Variants in HERC6 observed in about 807,000 individuals in gnomAD.
The protein encoded by HERC6 is HECT and RLD domain containing E3 ubiquitin protein ligase family member 6.
A neutral mutation model predicts 114.5 loss-of-function variants in HERC6; 101 were observed. The observed-to-expected ratio is 0.88, with a 90% CI of 0.75 to 1.04. The LOEUF is 1.04. HERC6 is among the 50% of genes least tolerant of loss of function. The pLI is 0.00. For missense variants in HERC6, 1,133 were observed against 1,230.9 expected, an observed-to-expected ratio of 0.92 and a Z score of 1.19; for synonymous variants, 408 against 436.2, an observed-to-expected ratio of 0.94 and a Z score of 0.81.
intron 17 of HERC6, among the ~76,000 whole-genome samples, chr4:88,432,778 T>G (rs1232880711): frequency 6.6e-6 from 1 of 151,716 alleles, no homozygotes; most frequent in Non-Finnish European, 1.5e-5. Context: ...AAAAGGTGAT[T>G]CATGTCTGTA....
intron 8 of HERC6, among the ~76,000 whole-genome samples, chr4:88,404,381 G>C (rs200147491): frequency 6.6e-6 from 1 of 151,750 alleles, no homozygotes; most frequent in African/African-American, 2.4e-5. Context: ...TAGAGACAAG[G>C]TTTCACCATG....
rs772414829 is a variant in HERC6 at position 88,379,098 on chromosome 4, C to T, written c.177C>T (p.Gly59=). ...DNSRGQLGRR[G]AQRGELPEPI... is the part of the protein sequence containing the mutation. Reference sequence around the variant, plus strand: ...GCAGGGGTCAGCTGGGCCGCAGGGGCGCGCAGCGCGGGGAGCTGCCAGGTG... The same window carrying T: ...GCAGGGGTCAGCTGGGCCGCAGGGGTGCGCAGCGCGGGGAGCTGCCAGGTG... The change falls in exon 1 of 23, where the codon GGC becomes GGT. Residue 59 remains glycine (G), a synonymous_variant. Transcript: ENST00000264346. The T allele has an allele frequency of 6.5e-7, 1 of 1,544,112 alleles. No homozygotes were observed. The highest frequency in any genetic ancestry group is 1.2e-5 in the South Asian group (1 of 83,988).
chr4:88,405,106 A>G lies in HERC6; in HGVS notation c.1214+109A>G, dbSNP rs1312712316. 8.8e-6 allele frequency: 12 copies of G among 1,359,864 alleles called. No homozygotes were observed. The South Asian group carries it at 1.1e-4, about 13-fold the overall frequency. The allele number at this position is 1,359,864 out of a possible 1,614,324, so 84.2% of individuals were successfully genotyped here. On this transcript the variant is annotated intron_variant, in intron 9 of 22. Coordinates refer to ENST00000264346, the MANE Select transcript of HERC6 (RefSeq NM_017912.4). ...TTGTTGTGAAGGTATTTGCATTTTG[A>G]CCATGATTCTCTTCTACAGCCTCTT...
At chr4:88,409,743 T>C (rs1735993522) in intron 11 of HERC6, among the ~76,000 whole-genome samples, 1 of 152,254 alleles carries the variant, frequency 6.6e-6, no homozygotes, top group Non-Finnish European at 1.5e-5. Context: ...TCTTTACCTG[T>C]TGAATTCATC....
chr4:88,379,675 T>A (rs1229499716), intron 1 of HERC6, among the ~76,000 whole-genome samples: 3 of 74,742 alleles, frequency 4.0e-5, no homozygotes, highest in East Asian at 7.7e-4. Flanking sequence ...ATATAATATA[T>A]AAATATATAC....
At chr4:88,421,291 C>CAAGA (rs1737020195) in intron 13 of HERC6, among the ~76,000 whole-genome samples, 1 of 152,102 alleles carries the variant, frequency 6.6e-6, no homozygotes, top group Non-Finnish European at 1.5e-5. Context: ...TTTCATTTCC[C>CAAGA]GTATATACCC....
At chr4:88,388,764 C>G (rs749239568) in intron 3 of HERC6, among the ~76,000 whole-genome samples, 4 of 152,012 alleles carry the variant, frequency 2.6e-5, no homozygotes, top group African/African-American at 9.7e-5. Context: ...TTCTTCCAGA[C>G]CTTTAGAGGT....
intron 8 of HERC6, among the ~76,000 whole-genome samples, chr4:88,404,516 T>C (rs777180503): frequency 1.5e-4 from 23 of 152,188 alleles, no homozygotes; most frequent in Non-Finnish European, 2.9e-4. Flanking sequence ...GGCTGAATAA[T>C]ATTTCATTTT....
chr4:88,379,901 A>ATATATAAATATATATAATATATAAAT (rs1734108082), intron 1 of HERC6, among the ~76,000 whole-genome samples: 2 of 27,856 alleles, frequency 7.2e-5, no homozygotes, highest in Non-Finnish European at 1.1e-4. Context: ...ATAATATATA[A>ATATATAAATATATATAATATATAAAT]ATATATATAA....
Position 88,397,654 on chromosome 4 carries a change from C to A in HERC6, c.1025-488C>A, listed in dbSNP as rs28642168. ...GGAGGTTGCAGTGAGCCGAGATCGT[C>A]CAGCCTGGGCAACAGGGTGAGACTC... is the stretch of plus-strand genomic sequence containing the variant. On this transcript the variant is annotated intron_variant, in intron 7 of 22. Transcript: ENST00000264346. Among the ~76,000 whole-genome samples, 466 of 151,744 alleles carry A rather than the reference C, an allele frequency of 3.1e-3. 3 individuals carry two copies. Among genetic ancestry groups the A allele is most frequent in the African/African-American group, 0.011 (435 of 41,398 alleles).
intron 15 of HERC6, among the ~76,000 whole-genome samples, chr4:88,426,934 C>T (rs1737702186): frequency 6.6e-6 from 1 of 152,324 alleles, no homozygotes; most frequent in South Asian, 2.1e-4. Flanking sequence ...ACTTTCCCAT[C>T]AATTTCCCTT....
At chr4:88,417,305 A>C (rs984108495) in intron 12 of HERC6, 120 bp from the exon 13 acceptor site, 13 of 958,364 alleles carry the variant, frequency 1.4e-5, no homozygotes, top group African/African-American at 6.7e-5. Flanking sequence ...GATATTCATA[A>C]ATTATGCCAT....
In HERC6 at chr4:88,437,103, TTGGAGTA is replaced by T. The variant is rs1738837576; in HGVS notation, c.2484+133_2484+139del. On this transcript the variant is annotated intron_variant, in intron 19 of 22. Transcript: ENST00000264346. ...GCAGAGTCTCACTCTGTCACCCAGG[TTGGAGTA>T]CAATGGCGCGATCTCGGTTCACTGC... 4.9e-6 allele frequency: 3 copies of T among 609,824 alleles called. No individual in the cohort carries two copies. The African/African-American group carries it at 5.8e-5, about 12-fold the overall frequency. 37.8% of individuals were successfully genotyped at this position (609,824 alleles called of 1,614,324 possible).
Position 88,383,270 on chromosome 4 carries a change from G to A in HERC6, c.249G>A (p.Gly83=). The A allele has an allele frequency of 6.2e-7, 1 of 1,606,762 alleles. No homozygotes were observed. Among genetic ancestry groups the A allele is most frequent in the Non-Finnish European group, 8.5e-7 (1 of 1,176,752 alleles). Residue 83 remains glycine, a synonymous_variant, in exon 2 of 23, where the codon GGG becomes GGA. Coordinates refer to ENST00000264346, the MANE Select transcript of HERC6 (RefSeq NM_017912.4). ...TAATTGTTGATCTCGTGAGCTGCGG[G>A]AAGGAGCACTCCCTGGCTGTGTGCC... is the stretch of plus-strand genomic sequence containing the variant. ...ETLIVDLVSC[G]KEHSLAVCHK... is the part of the protein sequence containing the mutation.
intron 17 of HERC6, 125 bp from the exon 18 acceptor site, chr4:88,435,600 A>T (rs1378733125): frequency 2.0e-6 from 1 of 498,730 alleles, no homozygotes; most frequent in African/African-American, 2.0e-5. Flanking sequence ...ATTTTCCGGA[A>T]GCCCATTTTG....
At chr4:88,411,601 C>T (rs753296563) in intron 11 of HERC6, among the ~76,000 whole-genome samples, 1 of 152,162 alleles carries the variant, frequency 6.6e-6, no homozygotes, top group Non-Finnish European at 1.5e-5. Context: ...ACTGTAATTA[C>T]AGAACATAGA....
chr4:88,431,618 A>G (rs1738225252), intron 17 of HERC6, among the ~76,000 whole-genome samples: 2 of 152,236 alleles, frequency 1.3e-5, no homozygotes, highest in Admixed American at 1.3e-4. Flanking sequence ...AATAAACTGC[A>G]TATATTTAAG....
At chr4:88,425,953 A>T (rs974544178) in intron 15 of HERC6, among the ~76,000 whole-genome samples, 1 of 152,202 alleles carries the variant, frequency 6.6e-6, no homozygotes, top group Non-Finnish European at 1.5e-5. Flanking sequence ...TGGGTGAAAC[A>T]TAAGAAGTCT....
chr4:88,419,025 C>G lies in HERC6; in HGVS notation c.1713+1446C>G, dbSNP rs866034959. On this transcript the variant is annotated intron_variant, in intron 13 of 22. Transcript: ENST00000264346. ...ATAGGCGTGAGTCACTGTGCCCAGC[C>G]CAGATATGTGATTTATAAATGAAAC... Among the ~76,000 whole-genome samples, 8 of 152,110 alleles carry G rather than the reference C, an allele frequency of 5.3e-5. No homozygotes were observed. The South Asian group carries it at 1.2e-3, about 24-fold the overall frequency.
Sources: gnomAD v4.1 joint callset for allele counts (sites outside exome capture counted in the v4.1 genomes callset) on GRCh38, gnomAD v4.1.1 for gene constraint, MANE v1.5 for transcripts, NCBI Gene and HGNC (gene_info 2026-07-23, HGNC 2026-07-21) for gene names.